The following CAPS2 variants were observed in gnomAD, a reference collection of about 807,000 sequenced individuals.
CAPS2 encodes the protein calcyphosin-2.
In CAPS2, 98 loss-of-function variants were observed where a neutral mutation model predicts 86.5. That is an observed-to-expected ratio of 1.13 (90% CI 0.96 to 1.34). The LOEUF (loss-of-function observed/expected upper bound fraction) is 1.34. CAPS2 is among the 40% of genes most tolerant of loss of function. The probability of loss-of-function intolerance (pLI) is 0.00; values close to 1 mark genes in which losing one functional copy is unlikely to be tolerated. For missense variants in CAPS2, 729 were observed against 686.8 expected, an observed-to-expected ratio of 1.06 and a Z score of -0.69; for synonymous variants, 210 against 225.1, an observed-to-expected ratio of 0.93 and a Z score of 0.60.
At chr12:75,342,445 T>C (rs137960943) in intron 1 of CAPS2, among the ~76,000 whole-genome samples, 5 of 152,296 alleles carry the variant, frequency 3.3e-5, no homozygotes, top group Admixed American at 3.3e-4. Context: ...TATAATTAGT[T>C]AAAAATAAAA....
chr12:75,342,153 G>A (rs762189075), intron 1 of CAPS2, among the ~76,000 whole-genome samples: 33 of 152,188 alleles, frequency 2.2e-4, no homozygotes, highest in Non-Finnish European at 4.4e-4. Flanking sequence ...GACTTAATGG[G>A]TTAGCATGAA....
chr12:75,297,345 T>G (rs1052040350), intron 11 of CAPS2, among the ~76,000 whole-genome samples: 2 of 152,200 alleles, frequency 1.3e-5, no homozygotes, highest in Non-Finnish European at 2.9e-5. Context: ...GTATAGTGTA[T>G]TTAAGTATAA....
intron 6 of CAPS2, among the ~76,000 whole-genome samples, chr12:75,315,788 G>C (rs1240391897): frequency 6.6e-6 from 1 of 152,110 alleles, no homozygotes; most frequent in East Asian, 1.9e-4. Context: ...CCTTACCCCA[G>C]AACATTACAG....
intron 2 of CAPS2, among the ~76,000 whole-genome samples, chr12:75,324,401 T>C (rs1219363643): frequency 1.3e-5 from 2 of 152,196 alleles, no homozygotes; most frequent in African/African-American, 2.4e-5. Context: ...TATAATCAAC[T>C]TAATATATGC....
Position 75,366,680 on chromosome 12 carries a change from G to C in CAPS2, c.-395+24158C>G, listed in dbSNP as rs575353789. Among the ~76,000 whole-genome samples, 91 of 151,168 alleles carry C rather than the reference G, an allele frequency of 6.0e-4. No individual in the cohort carries two copies. In the South Asian group the frequency reaches 0.018, roughly 30 times the overall value. On this transcript the variant is annotated intron_variant, in intron 1 of 5. Transcript: ENST00000551829. ...TTCTTAAAAGGAGGAATGGAGCTGT[G>C]GCCTAGGGTTTTTTTGTGTTGCAGA...
At chr12:75,334,940 C>T (rs1565942233), upstream of CAPS2, 2 of 1,575,800 alleles carry the variant, frequency 1.3e-6, no homozygotes, top group Non-Finnish European at 1.7e-6. Flanking sequence ...AAATCCCTGA[C>T]TCATCCTGAG....
chr12:75,297,092 TCTTTCTTTCTTTC>T (rs2037035874), intron 11 of CAPS2, among the ~76,000 whole-genome samples: 1 of 152,186 alleles, frequency 6.6e-6, no homozygotes, highest in African/African-American at 2.4e-5. Context: ...TTTCCTTCTT[TCTTTCTTTCTTTC>T]CTTTCTTTCT....
chr12:75,299,973 A>C (rs1041577122), intron 8 of CAPS2, 62 bp from the exon 9 acceptor site: 171 of 632,438 alleles, frequency 2.7e-4, no homozygotes, highest in Non-Finnish European at 4.5e-5. Context: ...TGGAAATTGT[A>C]AATGTACAAA....
upstream of CAPS2, chr12:75,334,907 G>T (rs2041615613): frequency 6.2e-7 from 1 of 1,612,820 alleles, no homozygotes; most frequent in African/African-American, 1.3e-5. Context: ...TACATGGTGA[G>T]AAAGAACCAG....
rs546969704 is a variant in CAPS2, at chr12:75,386,691, T to C, written c.-395+4147A>G. 2.0e-5 allele frequency among the ~76,000 whole-genome samples: 3 copies of C among 152,148 alleles called. No individual in the cohort carries two copies. In the South Asian group the frequency reaches 6.2e-4, roughly 32 times the overall value. ...AGCAAAAATACAATAATTTAAAAGG[T>C]ATAGTATTGGTGAAAGTAGAAATAA... On this transcript the variant is annotated intron_variant, in intron 1 of 5. Coordinates refer to the CAPS2 transcript ENST00000551829.
upstream of CAPS2, chr12:75,334,968 T>G (rs1357468961): frequency 1.1e-5 from 16 of 1,453,750 alleles, no homozygotes; most frequent in Non-Finnish European, 1.3e-5. Flanking sequence ...GGTGATAAAT[T>G]TCACGGACTT....
At chr12:75,383,432 G>A (rs1033330349) in intron 1 of CAPS2, among the ~76,000 whole-genome samples, 2 of 152,014 alleles carry the variant, frequency 1.3e-5, no homozygotes, top group Non-Finnish European at 2.9e-5. Context: ...AAGTTATCAG[G>A]ATTAAACAGA....
chr12:75,368,589 T>G (rs1356153931), intron 1 of CAPS2, among the ~76,000 whole-genome samples: 1 of 151,826 alleles, frequency 6.6e-6, no homozygotes, highest in Non-Finnish European at 1.5e-5. Flanking sequence ...TAGATCCTTG[T>G]TAACTTTTTT....
At chr12:75,317,009 G>A (rs1215286168) in intron 5 of CAPS2, among the ~76,000 whole-genome samples, 1 of 152,104 alleles carries the variant, frequency 6.6e-6, no homozygotes, top group Non-Finnish European at 1.5e-5. Flanking sequence ...AAACTTAATA[G>A]ATTATAAGAT....
At chr12:75,363,164 A>G in intron 1 of CAPS2, 15 of 1,545,532 alleles carry the variant, frequency 9.7e-6, no homozygotes, top group African/African-American at 1.4e-5. Context: ...TGCTCAAAAG[A>G]AGAGAAATGT....
chr12:75,286,780 C>A (rs963014681), intron 14 of CAPS2, among the ~76,000 whole-genome samples: 2 of 151,488 alleles, frequency 1.3e-5, no homozygotes, highest in Admixed American at 6.6e-5. Context: ...CTTATCATTG[C>A]ATGAGCAGTT....
rs377359354 is a variant in CAPS2, at chr12:75,295,741, C to T, written c.1045-2374G>A. ...AATAATGAATAGATAAAAATATACA[C>T]ATATAAGGTCAGGACTATGAAGAAA... On this transcript the variant is annotated intron_variant, in intron 11 of 16. Transcript: ENST00000393284. Among the ~76,000 whole-genome samples, 120 of 152,166 alleles carry T rather than the reference C, an allele frequency of 7.9e-4. 2 individuals carry two copies. Among genetic ancestry groups the T allele is most frequent in the Middle Eastern group, 3.4e-3 (1 of 294 alleles).
At chr12:75,327,660 T>C (rs1207591803), upstream of CAPS2, among the ~76,000 whole-genome samples, 3 of 151,798 alleles carry the variant, frequency 2.0e-5, no homozygotes, top group East Asian at 5.8e-4. Context: ...CATTTTCTTA[T>C]AATTTAAGTT....
At chr12:75,316,009 G>A (rs1047628297) in intron 6 of CAPS2, among the ~76,000 whole-genome samples, 21 of 152,088 alleles carry the variant, frequency 1.4e-4, no homozygotes, top group Admixed American at 1.4e-3. Context: ...TAACCAGGCT[G>A]CTTTTTTGGG....
Sources: gnomAD v4.1 joint callset for allele counts (sites outside exome capture counted in the v4.1 genomes callset) on GRCh38, gnomAD v4.1.1 for gene constraint, MANE v1.5 for transcripts, NCBI Gene and HGNC (gene_info 2026-07-23, HGNC 2026-07-21) for gene names.